MFN2: variants seen among roughly 807,000 people sequenced by gnomAD.
MFN2 encodes the protein mitofusin-2.
A neutral mutation model predicts 87.5 loss-of-function variants in MFN2; 43 were observed. The ratio of observed to expected loss-of-function variants is 0.49; its 90% CI spans 0.38 to 0.63. MFN2 has a LOEUF of 0.63. MFN2 is among the 30% of genes least tolerant of loss of function. MFN2 has a pLI of 0.00. For missense variants in MFN2, 743 were observed against 972.8 expected, an observed-to-expected ratio of 0.76 and a Z score of 3.14; for synonymous variants, 337 against 359.9, an observed-to-expected ratio of 0.94 and a Z score of 0.72.
At chr1:12,008,744 G>T (rs1639553266) in intron 17 of MFN2, among the ~76,000 whole-genome samples, 1 of 151,448 alleles carries the variant, frequency 6.6e-6, no homozygotes, top group Non-Finnish European at 1.5e-5. Context: ...GGGCAGAGGG[G>T]CTCCTCACAT....
intron 2 of MFN2, among the ~76,000 whole-genome samples, chr1:11,985,455 CTTTTTTTTT>C (rs774330626): frequency 4.2e-5 from 5 of 119,704 alleles, no homozygotes; most frequent in African/African-American, 1.9e-4. Flanking sequence ...TCCTTGATCC[CTTTTTTTTT>C]TTTTTTTTTT....
chr1:12,001,356 T>TG, intron 8 of MFN2, 45 bp from the exon 9 acceptor site: 1 of 1,610,038 alleles, frequency 6.2e-7, no homozygotes, highest in South Asian at 1.1e-5. Flanking sequence ...GTGGGGGCTG[T>TG]GGGGCCACCT....
rs1639304007 is a variant in MFN2 at position 12,004,265 on chromosome 1, T to C, written c.1287+147T>C. 2 of 1,178,730 alleles carry C rather than the reference T, an allele frequency of 1.7e-6. No individual in the cohort carries two copies. Among genetic ancestry groups the C allele is most frequent in the Non-Finnish European group, 2.5e-6 (2 of 812,736 alleles). 73.0% of individuals were successfully genotyped at this position (1,178,730 alleles called of 1,614,324 possible). On this transcript the variant is annotated intron_variant, in intron 12 of 18. Transcript: ENST00000235329. This position sits in a 1 kb window ranked among gnomAD's most constrained non-coding sequence, Gnocchi z 4.2. ...AAGAATACAGAGCTGCCGTTTGGGT[T>C]CCATTGTCGGGTTGTGTGATGCTGG...
Position 12,003,479 on chromosome 1 carries a change from A to G in MFN2, c.1161-513A>G, listed in dbSNP as rs1301525434. ...CAGGAGTTCAAGACCAGCCTGACCA[A>G]CACGGAGAAACCCTGTCTCTGCTAA... On this transcript the variant is annotated intron_variant, in intron 11 of 18. Transcript: ENST00000235329. This position sits in a 1 kb window ranked among gnomAD's most constrained non-coding sequence, Gnocchi z 4.1. Among the ~76,000 whole-genome samples, 2 of 152,240 alleles carry G rather than the reference A, an allele frequency of 1.3e-5. No individual in the cohort carries two copies. Among genetic ancestry groups the G allele is most frequent in the Non-Finnish European group, 2.9e-5 (2 of 68,042 alleles).
chr1:11,986,714 C>A (rs1638422940), intron 2 of MFN2, among the ~76,000 whole-genome samples: 1 of 151,906 alleles, frequency 6.6e-6, no homozygotes, highest in Admixed American at 6.6e-5. Flanking sequence ...CCTCAGCCTC[C>A]CGAGTAGCTG....
chr1:12,004,024 A>T lies in MFN2; in HGVS notation c.1193A>T (p.Gln398Leu). 6.2e-7 allele frequency: 1 copy of T among 1,614,234 alleles called. No homozygotes were observed. Among genetic ancestry groups the T allele is most frequent in the Non-Finnish European group, 8.5e-7 (1 of 1,180,040 alleles). Reference protein sequence around the residue: ...VYCEEMREERQDRLKFIDKQL... With the variant: ...VYCEEMREERLDRLKFIDKQL... ...TGCGAGGAAATGCGTGAAGAGCGGCAAGACCGACTGAAATTTATTGACAAA... is the reference window on the plus strand; with the variant it reads ...TGCGAGGAAATGCGTGAAGAGCGGCTAGACCGACTGAAATTTATTGACAAA... Residue 398 changes from glutamine (Q) to leucine (L), a missense_variant, in exon 12 of 19, where the codon CAA (glutamine) becomes CTA (leucine). Physicochemically the swap from Gln to Leu is moderately radical, Grantham distance 113 (BLOSUM62 -2). This residue lies in a region of MFN2 where 571 missense variants were observed against 670.7 expected (regional missense o/e 0.85). Transcript: ENST00000235329. The surrounding 1 kb of genome is among the most constrained non-coding windows in gnomAD (Gnocchi z 4.2).
rs781689573 is a variant in MFN2, at chr1:11,998,926, G to A, written c.708+48G>A. ...CCAAGCTCCCAGCACCCCCTGGGCA[G>A]GCAGCTGATGGGGCCTTGGCTGTCA... On this transcript the variant is annotated intron_variant, in intron 7 of 18. Transcript: ENST00000235329. 2.5e-6 allele frequency: 4 copies of A among 1,611,424 alleles called. No individual in the cohort carries two copies. In the East Asian group the frequency reaches 8.9e-5, roughly 36 times the overall value.
chr1:11,991,233 C>G (rs1638660634), intron 3 of MFN2, among the ~76,000 whole-genome samples: 1 of 152,160 alleles, frequency 6.6e-6, no homozygotes, highest in African/African-American at 2.4e-5. Context: ...CTGCTGGGTG[C>G]TGGGGTCAGA....
chr1:12,004,407 T>G lies in MFN2; in HGVS notation c.1288-102T>G. Reference sequence around the variant, plus strand: ...ATAGAGGAGCTGAGGAGGCTGCTGGTTTGAGAGGAAGGATGTGCCATCTGC... The same window carrying G: ...ATAGAGGAGCTGAGGAGGCTGCTGGGTTGAGAGGAAGGATGTGCCATCTGC... On this transcript the variant is annotated intron_variant, in intron 12 of 18. Coordinates refer to ENST00000235329, the MANE Select transcript of MFN2 (RefSeq NM_014874.4). The surrounding 1 kb of genome is among the most constrained non-coding windows in gnomAD (Gnocchi z 4.2). The G allele has an allele frequency of 9.1e-7, 1 of 1,097,962 alleles. No individual in the cohort carries two copies. Among genetic ancestry groups the G allele is most frequent in the Non-Finnish European group, 1.4e-6 (1 of 710,826 alleles). 68.0% of individuals were successfully genotyped at this position (1,097,962 alleles called of 1,614,324 possible).
rs575290281 is a variant in MFN2, at chr1:12,001,267, C to T, written c.817-134C>T. The T allele has an allele frequency of 8.6e-5, 109 of 1,262,876 alleles. No individual in the cohort carries two copies. The African/African-American group carries it at 1.5e-3, about 18-fold the overall frequency. 78.2% of individuals were successfully genotyped at this position (1,262,876 alleles called of 1,614,324 possible). A position where few individuals can be genotyped will look rare whatever the true frequency, so the allele number is the denominator to read the frequency against. On this transcript the variant is annotated intron_variant, in intron 8 of 18. Transcript: ENST00000235329. ...ACCTCAAGTGATCCACCTGCCTTGG[C>T]TTCCCAAAGTGCTGGGATTACAGGC...
At chr1:12,001,721 C>G in intron 9 of MFN2, 48 bp from the exon 10 acceptor site, 1 of 1,610,852 alleles carries the variant, frequency 6.2e-7, no homozygotes, top group Non-Finnish European at 8.5e-7. Context: ...TCATCGTTTT[C>G]CTCTGCTGCC....
chr1:11,989,645 C>T (rs572803294), intron 3 of MFN2, among the ~76,000 whole-genome samples: 94 of 152,212 alleles, frequency 6.2e-4, no homozygotes, highest in African/African-American at 2.3e-3. Flanking sequence ...GAGAGTTGTC[C>T]GATACCTTGT....
intron 2 of MFN2, among the ~76,000 whole-genome samples, chr1:11,986,861 G>A (rs940809204): frequency 3.3e-5 from 5 of 152,052 alleles, no homozygotes; most frequent in Non-Finnish European, 7.4e-5. Flanking sequence ...ATAGGTGTGA[G>A]CCACCATGCC....
At position 12,003,286 on chromosome 1, in the gene MFN2, A is replaced by G. The variant is rs1191050454; in HGVS notation, c.1161-706A>G. Among the ~76,000 whole-genome samples, 2 of 152,220 alleles carry G rather than the reference A, an allele frequency of 1.3e-5. No homozygotes were observed. Among genetic ancestry groups the G allele is most frequent in the Non-Finnish European group, 2.9e-5 (2 of 68,040 alleles). On this transcript the variant is annotated intron_variant, in intron 11 of 18. Transcript: ENST00000235329. This position sits in a 1 kb window ranked among gnomAD's most constrained non-coding sequence, Gnocchi z 4.1. ...ATTCATTGCATGACCAGTACTGTCC[A>G]TAGGCCTTCCATTTCATCAGCCCTC... is the stretch of plus-strand genomic sequence containing the variant.
chr1:11,990,999 T>C (rs1303473405), intron 3 of MFN2, among the ~76,000 whole-genome samples: 3 of 152,196 alleles, frequency 2.0e-5, no homozygotes, highest in African/African-American at 7.2e-5. Flanking sequence ...GGCTGGGGCC[T>C]GTCAGCCTCA....
At chr1:12,006,457 C>T (rs745544442) in intron 15 of MFN2, 81 bp from the exon 16 acceptor site, 4 of 1,576,034 alleles carry the variant, frequency 2.5e-6, no homozygotes, top group Non-Finnish European at 3.5e-6. Context: ...CCCTGTTCCC[C>T]AGACTAGGGC....
rs765991120 is a variant in MFN2, at chr1:12,007,086, C to T, written c.1906C>T (p.Leu636Phe). 6.2e-7 allele frequency: 1 copy of T among 1,614,102 alleles called. No homozygotes were observed. Among genetic ancestry groups the T allele is most frequent in the African/African-American group, 1.3e-5 (1 of 75,052 alleles). Reference protein sequence around the residue: ...WKAVGWRLIALSFGLYGLLYV... With the variant: ...WKAVGWRLIAFSFGLYGLLYV... ...GGCAGTGGGCTGGCGGCTCATTGCC[C>T]TCTCCTTTGGGCTCTATGGCCTCCT... The change falls in exon 17 of 19, where the codon CTC (leucine) becomes TTC (phenylalanine). Residue 636 changes from leucine to phenylalanine, a missense_variant. Coordinates refer to ENST00000235329, the MANE Select transcript of MFN2 (RefSeq NM_014874.4).
rs140027579 is a variant in MFN2, at chr1:12,004,578, C to T, written c.1357C>T (p.His453Tyr). 2.5e-6 allele frequency: 4 copies of T among 1,614,012 alleles called. No individual in the cohort carries two copies. In the African/African-American group the frequency reaches 4.0e-5, roughly 16 times the overall value. The change falls in exon 13 of 19, where the codon CAC becomes TAC. Residue 453 changes from histidine to tyrosine, a missense_variant. His to Tyr is a moderately conservative substitution (Grantham distance 83). Transcript: ENST00000235329. This position sits in a 1 kb window ranked among gnomAD's most constrained non-coding sequence, Gnocchi z 4.2. ...VLVDDYQMDF[H>Y]PSPVVLKVYK... is the part of the protein sequence containing the mutation. The stretch of plus-strand genomic sequence containing the variant: ...GGTGGACGATTACCAGATGGACTTC[C>T]ACCCTTCTCCAGTAGTCCTCAAGGT...
chr1:12,001,914 CAG>C, intron 10 of MFN2, 66 bp from the exon 11 acceptor site: 3 of 1,614,124 alleles, frequency 1.9e-6, no homozygotes, highest in Middle Eastern at 1.7e-4. Context: ...CAGTGAAAAC[CAG>C]AGTCTGGCCC....
Sources: gnomAD v4.1 joint callset for allele counts (sites outside exome capture counted in the v4.1 genomes callset) on GRCh38, gnomAD v4.1.1 for gene constraint, gnomAD v4.1.1 regional missense constraint, Gnocchi (gnomAD v3.1) non-coding constraint, MANE v1.5 for transcripts, NCBI Gene and HGNC (gene_info 2026-07-23, HGNC 2026-07-21) for gene names.